CORO1C: variants seen among roughly 807,000 people sequenced by gnomAD.
CORO1C encodes coronin 1C.
A neutral mutation model predicts 51.2 loss-of-function variants in CORO1C; 14 were observed. That is an observed-to-expected ratio of 0.27 (90% confidence interval 0.18 to 0.43). The LOEUF is 0.43. CORO1C is among the 20% of genes least tolerant of loss of function. CORO1C has a pLI of 1.00. For missense variants in CORO1C, 417 were observed against 607.8 expected (o/e 0.69, Z 3.30); for synonymous variants, 181 against 210.5 (o/e 0.86, Z 1.21).
At chr12:108,711,847 T>TA (rs2035190135) in intron 1 of CORO1C, among the ~76,000 whole-genome samples, 1 of 152,134 alleles carries the variant, frequency 6.6e-6, no homozygotes, top group Admixed American at 6.5e-5. Context: ...TTCCATCTCA[T>TA]AAAAAATGAC....
At chr12:108,652,444 G>C in intron 7 of CORO1C, 27 bp from the exon 8 acceptor site, 1 of 1,599,426 alleles carries the variant, frequency 6.3e-7, no homozygotes, top group Non-Finnish European at 8.6e-7. Flanking sequence ...ACAAGTCTGT[G>C]TCTGATTGTT....
At chr12:108,709,032 G>C (rs183228820) in intron 1 of CORO1C, among the ~76,000 whole-genome samples, 2 of 151,906 alleles carry the variant, frequency 1.3e-5, no homozygotes, top group Non-Finnish European at 2.9e-5. Flanking sequence ...TTGGATTATA[G>C]GCATTAGCCA....
At chr12:108,726,103 G>A (rs1182812827) in intron 1 of CORO1C, among the ~76,000 whole-genome samples, 1 of 152,166 alleles carries the variant, frequency 6.6e-6, no homozygotes, top group African/African-American at 2.4e-5. Flanking sequence ...AAAGTGCTGG[G>A]ATTACAGGTG....
rs866369246 is a variant in CORO1C at position 108,702,734 on chromosome 12, C to T, written c.-5-1411G>A. The T allele has an allele frequency of 1.9e-5, 27 of 1,420,542 alleles. No individual in the cohort carries two copies. The Middle Eastern group carries it at 2.2e-3, about 118-fold the overall frequency. 88.0% of individuals were successfully genotyped at this position (1,420,542 alleles called of 1,614,324 possible). On this transcript the variant is annotated intron_variant, in intron 1 of 10. Coordinates refer to ENST00000261401, the MANE Select transcript of CORO1C (RefSeq NM_014325.4). ...ATTCCTTTCCTCTAATTCCCTTCCT[C>T]ATGGCCCTGAGCCCACTGCTAAATG...
intron 1 of CORO1C, among the ~76,000 whole-genome samples, chr12:108,729,000 C>T (rs887139741): frequency 2.0e-5 from 3 of 152,106 alleles, no homozygotes; most frequent in Non-Finnish European, 4.4e-5. Flanking sequence ...AAAGGTAAAA[C>T]AGACCAATTA....
intron 1 of CORO1C, 111 bp from the exon 2 acceptor site, chr12:108,701,434 T>C (rs1409015795): frequency 6.5e-7 from 1 of 1,527,528 alleles, no homozygotes; most frequent in Non-Finnish European, 8.8e-7. Context: ...GCATTTTGTC[T>C]GCTCTCCTAA....
intron 3 of CORO1C, among the ~76,000 whole-genome samples, chr12:108,677,177 G>A (rs1053020940): frequency 2.0e-5 from 3 of 152,166 alleles, no homozygotes; most frequent in Non-Finnish European, 4.4e-5. Context: ...ATTAATTAGA[G>A]ACCATCTTCC....
intron 3 of CORO1C, among the ~76,000 whole-genome samples, 178 bp from the exon 4 acceptor site, chr12:108,662,336 T>G (rs531431418): frequency 7.2e-5 from 11 of 152,276 alleles, no homozygotes; most frequent in East Asian, 3.9e-4. Context: ...TTGTTTGTTT[T>G]TTTGTTTTTT....
At chr12:108,678,626 T>C (rs1175256639) in intron 2 of CORO1C, among the ~76,000 whole-genome samples, 1 of 149,164 alleles carries the variant, frequency 6.7e-6, no homozygotes, top group Non-Finnish European at 1.5e-5. Flanking sequence ...CCAACTGCAC[T>C]AGCAGACATA....
intron 3 of CORO1C, among the ~76,000 whole-genome samples, chr12:108,664,467 C>G (rs1350769242): frequency 6.6e-6 from 1 of 152,190 alleles, no homozygotes; most frequent in Non-Finnish European, 1.5e-5. Flanking sequence ...TTCATTTTTA[C>G]AGCTAAATTC....
intron 6 of CORO1C, among the ~76,000 whole-genome samples, chr12:108,655,424 C>A (rs554748548): frequency 1.1e-4 from 17 of 151,140 alleles, no homozygotes; most frequent in African/African-American, 4.1e-4. Context: ...CACGCTCTCC[C>A]TCTGATGCCG....
chr12:108,694,868 C>T lies in CORO1C; in HGVS notation c.195+6256G>A, dbSNP rs80079174. 1.9e-3 allele frequency among the ~76,000 whole-genome samples: 296 copies of T among 152,288 alleles called. 2 individuals carry two copies. The highest frequency in any genetic ancestry group is 6.7e-3 in the African/African-American group (280 of 41,544). The stretch of plus-strand genomic sequence containing the variant: ...GCCTTTTAAGTCACTCTGAATTACT[C>T]ATATATGAATTGTGTGAACTAACAT... On this transcript the variant is annotated intron_variant, in intron 2 of 10. Transcript: ENST00000261401.
intron 6 of CORO1C, 99 bp downstream of exon 6, chr12:108,657,205 A>C: frequency 6.8e-7 from 1 of 1,467,852 alleles, no homozygotes; most frequent in Non-Finnish European, 9.1e-7. Flanking sequence ...TTAGAAAACT[A>C]CACTAAGAAT....
chr12:108,715,942 C>T (rs2035321027), intron 1 of CORO1C, among the ~76,000 whole-genome samples: 1 of 151,596 alleles, frequency 6.6e-6, no homozygotes, highest in Non-Finnish European at 1.5e-5. Context: ...ACCATCCTGG[C>T]TAACACGGTG....
At chr12:108,665,741 T>C (rs763741115) in intron 3 of CORO1C, among the ~76,000 whole-genome samples, 3 of 152,160 alleles carry the variant, frequency 2.0e-5, no homozygotes, top group East Asian at 3.8e-4. Flanking sequence ...GACACACACA[T>C]AGTGCCTCCA....
At chr12:108,711,947 T>C (rs2035193086) in intron 1 of CORO1C, among the ~76,000 whole-genome samples, 1 of 152,134 alleles carries the variant, frequency 6.6e-6, no homozygotes. Context: ...AGGAAACACA[T>C]CCTGCTAGGA....
chr12:108,648,500 G>T, intron 10 of CORO1C, 105 bp downstream of exon 10: 1 of 1,485,086 alleles, frequency 6.7e-7, no homozygotes. Context: ...GAAAACCCCT[G>T]AGCACCCAGC....
chr12:108,729,949 G>C (rs1592961939), intron 1 of CORO1C, among the ~76,000 whole-genome samples: 1 of 152,174 alleles, frequency 6.6e-6, no homozygotes, highest in Non-Finnish European at 1.5e-5. Context: ...TTATTATATA[G>C]AGTGACTAAG....
intron 3 of CORO1C, among the ~76,000 whole-genome samples, chr12:108,670,062 AT>A (rs974197706): frequency 6.6e-6 from 1 of 152,212 alleles, no homozygotes; most frequent in African/African-American, 2.4e-5. Flanking sequence ...CAGTGGCAGC[AT>A]TTTTTGGGGG....
Sources: gnomAD v4.1 joint callset for allele counts (sites outside exome capture counted in the v4.1 genomes callset) on GRCh38, gnomAD v4.1.1 for gene constraint, MANE v1.5 for transcripts, NCBI Gene and HGNC (gene_info 2026-07-23, HGNC 2026-07-21) for gene names.